STK3: variants seen among roughly 807,000 people sequenced by gnomAD.
STK3 encodes the protein serine/threonine-protein kinase 3.
Under a neutral mutation model 58.0 loss-of-function variants are expected in STK3, and 41 were observed. The observed-to-expected ratio is 0.71, with a 90% confidence interval of 0.55 to 0.92. STK3 has a LOEUF of 0.92. STK3 is among the 40% of genes least tolerant of loss of function. STK3 has a pLI of 0.00. For synonymous variants in STK3, 170 were observed against 191.0 expected, an observed-to-expected ratio of 0.89 and a Z score of 0.91; for missense variants, 479 against 602.7, an observed-to-expected ratio of 0.79 and a Z score of 2.15.
intron 10 of STK3, among the ~76,000 whole-genome samples, chr8:98,493,196 C>A (rs952055137): frequency 2.1e-5 from 3 of 142,128 alleles, no homozygotes; most frequent in Non-Finnish European, 3.0e-5. Context: ...TGTGCCACTG[C>A]ATTTCCATCC....
the STK3 span, among the ~76,000 whole-genome samples, chr8:98,349,525 A>T: frequency 2.0e-5 from 3 of 152,212 alleles, no homozygotes; most frequent in Non-Finnish European, 4.4e-5. Context: ...TCCACTAGGC[A>T]GCACCCCAGT....
At chr8:98,358,980 A>C in the STK3 span, among the ~76,000 whole-genome samples, 1 of 152,142 alleles carries the variant, frequency 6.6e-6, no homozygotes, top group Non-Finnish European at 1.5e-5. Context: ...TCCAGAGACA[A>C]ACATCTCCCA....
At chr8:98,373,437 C>T (rs570858055) in intron 2 of STK3, among the ~76,000 whole-genome samples, 24 of 152,336 alleles carry the variant, frequency 1.6e-4, no homozygotes, top group East Asian at 1.5e-3. Context: ...GGCTTATTCT[C>T]TTACATTCCT....
At chr8:98,850,331 C>A (rs1402955531) in intron 3 of STK3, among the ~76,000 whole-genome samples, 1 of 152,182 alleles carries the variant, frequency 6.6e-6, no homozygotes, top group Non-Finnish European at 1.5e-5. Context: ...CATGCCACTA[C>A]ACTTGTATTT....
chr8:98,699,430 G>T (rs542074168), intron 6 of STK3, among the ~76,000 whole-genome samples: 3 of 152,280 alleles, frequency 2.0e-5, no homozygotes, highest in South Asian at 4.2e-4. Context: ...TGGAGGAGGA[G>T]AGGCACTCTG....
At chr8:98,628,896 G>A (rs961528755) in intron 6 of STK3, among the ~76,000 whole-genome samples, 8 of 149,642 alleles carry the variant, frequency 5.3e-5, no homozygotes, top group Middle Eastern at 3.5e-3. Flanking sequence ...TAAAGTAGAC[G>A]AAGGCAACAG....
chr8:98,524,448 T>G (rs1209181546), intron 10 of STK3, among the ~76,000 whole-genome samples: 1 of 152,262 alleles, frequency 6.6e-6, no homozygotes, highest in East Asian at 1.9e-4. Context: ...TTAGGCAATA[T>G]TAACATCCTA....
intron 3 of STK3, among the ~76,000 whole-genome samples, chr8:98,419,360 CA>C (rs973786693): frequency 6.1e-4 from 86 of 142,098 alleles, no homozygotes; most frequent in Middle Eastern, 3.6e-3. Context: ...GACTCCATCT[CA>C]AAAAAAAAAA....
chr8:98,498,521 T>C (rs149475729), intron 10 of STK3, among the ~76,000 whole-genome samples: 2 of 152,316 alleles, frequency 1.3e-5, no homozygotes, highest in African/African-American at 4.8e-5. Flanking sequence ...CACTATTTCA[T>C]GTTACTGTAA....
intron 6 of STK3, among the ~76,000 whole-genome samples, chr8:98,684,464 T>C (rs1457310953): frequency 6.6e-6 from 1 of 152,204 alleles, no homozygotes; most frequent in Non-Finnish European, 1.5e-5. Context: ...ATAGTAAATA[T>C]TAAACGGGCA....
chr8:98,776,707 G>A lies in STK3; in HGVS notation c.27-1888C>T, dbSNP rs772057031. On this transcript the variant is annotated intron_variant, in intron 1 of 10. Transcript: ENST00000419617. ...CTAGCTTGCAACTATGTTCAGTAACGATGATGAACAAGGCAATGACTTTGA... is the reference window on the plus strand; with the variant it reads ...CTAGCTTGCAACTATGTTCAGTAACAATGATGAACAAGGCAATGACTTTGA... 5.9e-5 allele frequency among the ~76,000 whole-genome samples: 9 copies of A among 151,448 alleles called. 1 individual carries two copies. The highest frequency in any genetic ancestry group is 1.9e-4 in the East Asian group (1 of 5,158).
intron 7 of STK3, among the ~76,000 whole-genome samples, chr8:98,585,273 T>G (rs1435019934): frequency 3.3e-5 from 5 of 152,242 alleles, no homozygotes; most frequent in African/African-American, 1.2e-4. Context: ...AATTTTTGTA[T>G]AAGGTGTAAG....
At chr8:98,696,155 G>A (rs924156669) in intron 6 of STK3, among the ~76,000 whole-genome samples, 9 of 148,340 alleles carry the variant, frequency 6.1e-5, no homozygotes, top group Non-Finnish European at 1.2e-4. Flanking sequence ...TCATGATTTG[G>A]CTGTCTGTTA....
At chr8:98,753,377 A>C (rs1830096795) in intron 3 of STK3, among the ~76,000 whole-genome samples, 1 of 152,222 alleles carries the variant, frequency 6.6e-6, no homozygotes, top group Non-Finnish European at 1.5e-5. Flanking sequence ...AGGAACAGAA[A>C]ACCAAATACT....
chr8:98,525,995 AT>A (rs1403242407), intron 10 of STK3, among the ~76,000 whole-genome samples: 4 of 151,938 alleles, frequency 2.6e-5, no homozygotes, highest in South Asian at 2.1e-4. Flanking sequence ...GGGAAAAAAA[AT>A]CTTCCAGAAC....
chr8:98,835,474 T>C (rs976743984), intron 3 of STK3, among the ~76,000 whole-genome samples: 7 of 152,296 alleles, frequency 4.6e-5, no homozygotes, highest in African/African-American at 1.7e-4. Context: ...AACTTCAACA[T>C]TGTCCAGCCA....
chr8:98,630,770 AGAAGAAGAGGAAGAGGAAGAG>A (rs1247900868), intron 6 of STK3, among the ~76,000 whole-genome samples: 1 of 151,528 alleles, frequency 6.6e-6, no homozygotes, highest in Non-Finnish European at 1.5e-5. Context: ...AAGAACAAGA[AGAAGAAGAGGAAGAGGAAGAG>A]GAAGAAGAGG....
At chr8:98,737,803 G>T (rs940177519) in intron 4 of STK3, among the ~76,000 whole-genome samples, 1 of 152,142 alleles carries the variant, frequency 6.6e-6, no homozygotes. Flanking sequence ...TGCCCCGCAG[G>T]TTCAAGAGAT....
chr8:98,429,734 G>A, intron 3 of STK3: 1 of 295,582 alleles, frequency 3.4e-6, no homozygotes, highest in Admixed American at 4.7e-5. Context: ...CTATTCTAGT[G>A]CTTGTGGCCC....
Sources: gnomAD v4.1 joint callset for allele counts (sites outside exome capture counted in the v4.1 genomes callset) on GRCh38, gnomAD v4.1.1 for gene constraint, MANE v1.5 for transcripts, NCBI Gene and HGNC (gene_info 2026-07-23, HGNC 2026-07-21) for gene names.